The following LRRC4C variants were observed in gnomAD, a reference collection of about 807,000 sequenced individuals.
LRRC4C encodes the protein leucine-rich repeat-containing protein 4C.
Under a neutral mutation model 33.6 loss-of-function variants are expected in LRRC4C, and 5 were observed. The observed-to-expected ratio is 0.15, with a 90% CI of 0.08 to 0.31. The LOEUF is 0.31. Among genes scored for constraint, LRRC4C ranks in the 10% least tolerant of loss-of-function variants. LRRC4C has a pLI of 1.00. For missense variants in LRRC4C, 560 were observed against 796.7 expected (o/e 0.70, Z 3.58); for synonymous variants, 329 against 302.0 (o/e 1.09, Z -0.93).
chr11:41,106,859 A>T (rs978986134), intron 1 of LRRC4C, among the ~76,000 whole-genome samples: 1 of 151,900 alleles, frequency 6.6e-6, no homozygotes, highest in Non-Finnish European at 1.5e-5. Flanking sequence ...CTACAAAAAA[A>T]TTAAAGGAAA....
intron 4 of LRRC4C, among the ~76,000 whole-genome samples, chr11:40,279,072 A>AG (rs1943303126): frequency 1.3e-5 from 2 of 152,214 alleles, no homozygotes; most frequent in Admixed American, 1.3e-4. Context: ...AGAGAAATAT[A>AG]GGGAAAACAG....
chr11:41,053,543 A>C (rs1858406091), intron 1 of LRRC4C, among the ~76,000 whole-genome samples: 1 of 152,202 alleles, frequency 6.6e-6, no homozygotes, highest in Non-Finnish European at 1.5e-5. Flanking sequence ...TGGAATCCTG[A>C]TGTAGGGAAA....
intron 1 of LRRC4C, among the ~76,000 whole-genome samples, chr11:41,334,818 ACTG>A (rs1951401177): frequency 6.6e-6 from 1 of 152,100 alleles, no homozygotes; most frequent in Non-Finnish European, 1.5e-5. Context: ...ATTCCACTGC[ACTG>A]CAGCCTGGGT....
intron 1 of LRRC4C, among the ~76,000 whole-genome samples, chr11:41,447,672 C>A (rs1955867449): frequency 6.6e-6 from 1 of 152,110 alleles, no homozygotes; most frequent in African/African-American, 2.4e-5. Flanking sequence ...GGTAAGACAA[C>A]CCTGAAAGTA....
chr11:40,133,566 CT>C (rs922339796), intron 6 of LRRC4C, among the ~76,000 whole-genome samples: 1 of 152,174 alleles, frequency 6.6e-6, no homozygotes, highest in African/African-American at 2.4e-5. Flanking sequence ...AGTATATTCT[CT>C]AACGCTATAC....
At chr11:40,635,473 C>T (rs1963866381) in intron 3 of LRRC4C, among the ~76,000 whole-genome samples, 1 of 152,084 alleles carries the variant, frequency 6.6e-6, no homozygotes, top group South Asian at 2.1e-4. Context: ...AAAGAACATA[C>T]ACACAGACAC....
intron 1 of LRRC4C, among the ~76,000 whole-genome samples, chr11:41,075,014 C>CTTTTTTTTTTTTATTTTTTTT (rs1555064765): frequency 9.9e-6 from 1 of 101,016 alleles, no homozygotes; most frequent in Non-Finnish European, 2.3e-5. Context: ...CTTCAATTTT[C>CTTTTTTTTTTTTATTTTTTTT]TTTTTTTTTT....
intron 5 of LRRC4C, among the ~76,000 whole-genome samples, chr11:40,174,632 T>A (rs558927424): frequency 1.3e-5 from 2 of 152,214 alleles, no homozygotes; most frequent in Non-Finnish European, 2.9e-5. Context: ...TGTGCTTTTA[T>A]GTTTGTTTGG....
chr11:41,080,009 A>G (rs1222185671), intron 1 of LRRC4C, among the ~76,000 whole-genome samples: 10 of 152,128 alleles, frequency 6.6e-5, no homozygotes, highest in Non-Finnish European at 1.5e-4. Context: ...TCATCATCAC[A>G]TAATGGGACA....
chr11:40,913,875 G>A (rs536273747), intron 2 of LRRC4C, among the ~76,000 whole-genome samples: 10 of 152,070 alleles, frequency 6.6e-5, no homozygotes, highest in African/African-American at 1.2e-4. Flanking sequence ...TATCACCACC[G>A]ATCCCACAGA....
At chr11:40,297,010 A>G (rs1944547829) in intron 4 of LRRC4C, among the ~76,000 whole-genome samples, 1 of 152,184 alleles carries the variant, frequency 6.6e-6, no homozygotes, top group Non-Finnish European at 1.5e-5. Flanking sequence ...TGTAGATGTG[A>G]GACATTAAAC....
At chr11:40,742,144 T>C (rs1001872524) in intron 2 of LRRC4C, among the ~76,000 whole-genome samples, 13 of 152,044 alleles carry the variant, frequency 8.6e-5, no homozygotes, top group African/African-American at 2.7e-4. Context: ...CATAATAATG[T>C]ATCTTTCTAG....
intron 1 of LRRC4C, among the ~76,000 whole-genome samples, chr11:41,259,044 C>T (rs1019361549): frequency 3.3e-5 from 5 of 151,940 alleles, no homozygotes; most frequent in Admixed American, 6.6e-5. Context: ...AAAAAGCATC[C>T]GTAAGAGCAG....
intron 5 of LRRC4C, among the ~76,000 whole-genome samples, chr11:40,141,743 A>G (rs751449603): frequency 6.6e-6 from 1 of 152,222 alleles, no homozygotes; most frequent in Non-Finnish European, 1.5e-5. Context: ...AGTGAAGCAC[A>G]GGGCTATGGC....
At chr11:41,325,792 T>A (rs1387150832) in intron 1 of LRRC4C, among the ~76,000 whole-genome samples, 1 of 152,092 alleles carries the variant, frequency 6.6e-6, no homozygotes, top group Non-Finnish European at 1.5e-5. Flanking sequence ...TTTTAGTATA[T>A]GCATTTTCTC....
intron 1 of LRRC4C, among the ~76,000 whole-genome samples, chr11:41,156,032 G>C (rs1233809110): frequency 6.6e-6 from 1 of 152,046 alleles, no homozygotes; most frequent in Non-Finnish European, 1.5e-5. Flanking sequence ...AGATTTTTCT[G>C]TTTTGTTATT....
At chr11:40,702,655 GATT>G (rs1334419630) in intron 2 of LRRC4C, among the ~76,000 whole-genome samples, 1 of 151,854 alleles carries the variant, frequency 6.6e-6, no homozygotes, top group Non-Finnish European at 1.5e-5. Flanking sequence ...GCTCTTTTCT[GATT>G]ACATGGTTTT....
intron 3 of LRRC4C, among the ~76,000 whole-genome samples, chr11:40,635,680 A>T (rs1179076310): frequency 2.6e-5 from 3 of 117,556 alleles, no homozygotes; most frequent in East Asian, 5.3e-4. Flanking sequence ...TCTGTCGCCC[A>T]GGCTAGAGTG....
chr11:40,401,167 TA>T (rs5791377), intron 3 of LRRC4C, among the ~76,000 whole-genome samples: 82 of 150,696 alleles, frequency 5.4e-4, no homozygotes, highest in East Asian at 2.2e-3. Flanking sequence ...GCTTAATTAT[TA>T]AAAAAAAAAT....
Sources: allele counts gnomAD v4.1 joint callset (sites outside exome capture counted in the v4.1 genomes callset), GRCh38; gene constraint gnomAD v4.1.1; transcripts MANE v1.5; gene names NCBI Gene and HGNC (gene_info 2026-07-23, HGNC 2026-07-21).